The following PTPRD variants were observed in gnomAD, a reference collection of about 807,000 sequenced individuals.
The protein encoded by PTPRD is protein tyrosine phosphatase receptor type D, also known as receptor-type tyrosine-protein phosphatase delta.
In PTPRD, 34 loss-of-function variants were observed where a neutral mutation model predicts 214.5. The ratio of observed to expected loss-of-function variants is 0.16; its 90% CI spans 0.12 to 0.21. PTPRD has a LOEUF of 0.21. Ranked by LOEUF, PTPRD falls within the 10% of genes least tolerant of loss-of-function variation. The pLI is 1.00. For missense variants in PTPRD, 2,545 were observed against 2,398.7 expected, an observed-to-expected ratio of 1.06 and a Z score of -1.27; for synonymous variants, 1,128 against 845.7, an observed-to-expected ratio of 1.33 and a Z score of -5.79.
intron 5 of PTPRD, among the ~76,000 whole-genome samples, chr9:9,805,162 A>G (rs2099065059): frequency 6.6e-6 from 1 of 152,124 alleles, no homozygotes; most frequent in South Asian, 2.1e-4. Context: ...AAATTCTGCC[A>G]TTTACTGTGT....
Position 9,033,886 on chromosome 9 carries a change from C to T in PTPRD, c.-142-15151G>A, listed in dbSNP as rs150130427. On this transcript the variant is annotated intron_variant, in intron 10 of 45. Coordinates refer to ENST00000381196, the MANE Select transcript of PTPRD (RefSeq NM_002839.4). ...CCTCTGGTATAACAATTCTCCCACC[C>T]GTAATAACCCATTGAAATCAAACAA... Among the ~76,000 whole-genome samples the T allele has an allele frequency of 4.9e-3, 740 of 152,158 alleles. 1 individual carries two copies. Among genetic ancestry groups the T allele is most frequent in the Admixed American group, 8.1e-3 (123 of 15,252 alleles).
intron 35 of PTPRD, among the ~76,000 whole-genome samples, chr9:8,431,295 G>T (rs554376926): frequency 6.6e-6 from 1 of 152,208 alleles, no homozygotes; most frequent in East Asian, 1.9e-4. Flanking sequence ...GAGAAAAAAA[G>T]AAGACGCTGG....
intron 39 of PTPRD, among the ~76,000 whole-genome samples, chr9:8,360,379 C>T (rs749041416): frequency 1.3e-3 from 202 of 152,230 alleles, no homozygotes; most frequent in Non-Finnish European, 2.2e-3. Flanking sequence ...AGTTCTTAGT[C>T]CCAAATTTTA....
chr9:10,366,835 T>G (rs1283787495), intron 2 of PTPRD, among the ~76,000 whole-genome samples: 2 of 152,156 alleles, frequency 1.3e-5, no homozygotes, highest in Non-Finnish European at 2.9e-5. Context: ...CAAAACTGAC[T>G]TTGTGAAAAC....
intron 10 of PTPRD, among the ~76,000 whole-genome samples, chr9:9,158,717 G>A (rs2099883546): frequency 6.6e-6 from 1 of 152,116 alleles, no homozygotes; most frequent in African/African-American, 2.4e-5. Flanking sequence ...TATAAGGCCA[G>A]CATTACCACA....
intron 2 of PTPRD, among the ~76,000 whole-genome samples, chr9:10,477,533 G>T (rs954573108): frequency 1.3e-5 from 2 of 152,150 alleles, no homozygotes; most frequent in Admixed American, 1.3e-4. Flanking sequence ...ACTGTTGGCG[G>T]GAGAGTAAAT....
At chr9:8,343,461 A>C (rs947925690) in intron 39 of PTPRD, among the ~76,000 whole-genome samples, 2 of 152,024 alleles carry the variant, frequency 1.3e-5, no homozygotes, top group Admixed American at 6.6e-5. Flanking sequence ...TGGCAACCTG[A>C]TGCAAACATT....
intron 2 of PTPRD, among the ~76,000 whole-genome samples, chr9:10,611,987 G>C (rs2133839766): frequency 6.7e-6 from 1 of 149,530 alleles, no homozygotes; most frequent in East Asian, 2.0e-4. Context: ...TAGGGTGGGA[G>C]TTAGCATGGA....
intron 3 of PTPRD, among the ~76,000 whole-genome samples, chr9:10,213,874 G>C (rs2099528517): frequency 6.6e-6 from 1 of 151,946 alleles, no homozygotes; most frequent in African/African-American, 2.4e-5. Flanking sequence ...TACTTACTGA[G>C]ATTATACAAG....
At chr9:9,357,516 A>C (rs372725036) in intron 9 of PTPRD, among the ~76,000 whole-genome samples, 24 of 151,214 alleles carry the variant, frequency 1.6e-4, no homozygotes, top group Admixed American at 4.6e-4. Context: ...GAAATCATAT[A>C]TAAGGTCCCT....
chr9:10,517,321 G>A (rs900274533), intron 2 of PTPRD, among the ~76,000 whole-genome samples: 3 of 151,840 alleles, frequency 2.0e-5, no homozygotes, highest in Admixed American at 2.0e-4. Flanking sequence ...ATTTCTTATA[G>A]GTGCTATGGT....
chr9:10,188,869 C>G (rs547153587), intron 3 of PTPRD, among the ~76,000 whole-genome samples: 2 of 152,286 alleles, frequency 1.3e-5, no homozygotes, highest in South Asian at 4.1e-4. Flanking sequence ...AACCCCACAA[C>G]TTGGAGCTTA....
intron 10 of PTPRD, among the ~76,000 whole-genome samples, chr9:9,061,615 G>A (rs2099707555): frequency 6.6e-6 from 1 of 152,086 alleles, no homozygotes; most frequent in African/African-American, 2.4e-5. Flanking sequence ...AAAAATGTAA[G>A]TGGAAAGGGT....
chr9:8,633,712 T>C (rs1367728692), intron 13 of PTPRD, among the ~76,000 whole-genome samples: 2 of 152,104 alleles, frequency 1.3e-5, no homozygotes, highest in East Asian at 3.9e-4. Context: ...TACCAGGGTT[T>C]ATTCATTAAA....
chr9:9,571,088 C>T (rs1270067616), intron 8 of PTPRD, among the ~76,000 whole-genome samples: 1 of 151,266 alleles, frequency 6.6e-6, no homozygotes, highest in East Asian at 1.9e-4. Flanking sequence ...ATTCTAAGAA[C>T]GTATTTAAAT....
chr9:8,787,415 C>T (rs896683113), intron 11 of PTPRD, among the ~76,000 whole-genome samples: 1 of 152,140 alleles, frequency 6.6e-6, no homozygotes, highest in African/African-American at 2.4e-5. Flanking sequence ...ACAATTTGTT[C>T]CCTGCCCTTT....
At chr9:10,216,380 C>T (rs2099541047) in intron 3 of PTPRD, among the ~76,000 whole-genome samples, 1 of 151,698 alleles carries the variant, frequency 6.6e-6, no homozygotes, top group African/African-American at 2.4e-5. Context: ...TGGGGGTTCA[C>T]TTTATTATTT....
At chr9:10,166,666 G>A (rs982686188) in intron 3 of PTPRD, among the ~76,000 whole-genome samples, 2 of 151,916 alleles carry the variant, frequency 1.3e-5, no homozygotes, top group Non-Finnish European at 2.9e-5. Flanking sequence ...AACCACCTGG[G>A]AGTAAACAAA....
At chr9:9,653,902 A>C (rs1277203349) in intron 7 of PTPRD, among the ~76,000 whole-genome samples, 3 of 152,134 alleles carry the variant, frequency 2.0e-5, no homozygotes, top group African/African-American at 4.8e-5. Flanking sequence ...TTTTCAATGG[A>C]AGGCTTATTT....
Sources: allele counts gnomAD v4.1 joint callset (sites outside exome capture counted in the v4.1 genomes callset), GRCh38; gene constraint gnomAD v4.1.1; transcripts MANE v1.5; gene names NCBI Gene and HGNC (gene_info 2026-07-23, HGNC 2026-07-21).